TMEM178B: variants seen among roughly 807,000 people sequenced by gnomAD.
TMEM178B encodes the protein transmembrane protein 178B.
TMEM178B carries 5 observed loss-of-function variants against 31.0 expected under a neutral mutation model. The ratio of observed to expected loss-of-function variants is 0.16; its 90% CI spans 0.08 to 0.34. The LOEUF (loss-of-function observed/expected upper bound fraction) is 0.34. TMEM178B is among the 10% of genes least tolerant of loss of function. The pLI, the probability that TMEM178B is intolerant of heterozygous loss-of-function variation, is 1.00. For missense variants in TMEM178B, 275 were observed against 400.3 expected (o/e 0.69, Z 2.67); for synonymous variants, 164 against 164.0 (o/e 1.00, Z 0.00).
At chr7:141,107,836 AG>A (rs1335566133) in intron 1 of TMEM178B, among the ~76,000 whole-genome samples, 1 of 152,212 alleles carries the variant, frequency 6.6e-6, no homozygotes, top group East Asian at 1.9e-4. Context: ...GGACAAGAGA[AG>A]ATAAAAGGCC....
rs561759815 is a variant in TMEM178B, at chr7:141,159,305, G to A, written c.383-53286G>A. Among the ~76,000 whole-genome samples, 4 of 152,248 alleles carry A rather than the reference G, an allele frequency of 2.6e-5. No individual in the cohort carries two copies. In the South Asian group the frequency reaches 8.3e-4, roughly 32 times the overall value. ...GGTTTAAAAATCCAAATAAAATCAT[G>A]TTACTCACCTGCTCAAAACTGTCAA... On this transcript the variant is annotated intron_variant, in intron 1 of 3. Transcript: ENST00000565468.
chr7:141,241,322 T>TGGCTC (rs1797614893), intron 2 of TMEM178B, among the ~76,000 whole-genome samples: 2 of 152,046 alleles, frequency 1.3e-5, no homozygotes, highest in Non-Finnish European at 2.9e-5. Context: ...CCTGGCGCGG[T>TGGCTC]GGCTCACGCC....
At chr7:141,451,908 C>T (rs1347668269) in intron 3 of TMEM178B, among the ~76,000 whole-genome samples, 5 of 152,282 alleles carry the variant, frequency 3.3e-5, no homozygotes, top group South Asian at 4.1e-4. Flanking sequence ...TGTGCTTACT[C>T]CTGGCTGTTC....
chr7:141,157,631 C>T (rs1563102857), intron 1 of TMEM178B, among the ~76,000 whole-genome samples: 2 of 152,172 alleles, frequency 1.3e-5, no homozygotes, highest in Non-Finnish European at 2.9e-5. Flanking sequence ...GGCAGTCTTA[C>T]TCAAAAAAAC....
intron 2 of TMEM178B, among the ~76,000 whole-genome samples, chr7:141,353,802 A>G (rs1317100794): frequency 1.3e-5 from 2 of 152,226 alleles, no homozygotes; most frequent in Non-Finnish European, 1.5e-5. Flanking sequence ...ATATTAATGG[A>G]ATGAATTAAA....
intron 1 of TMEM178B, among the ~76,000 whole-genome samples, chr7:141,163,389 G>C (rs761479948): frequency 2.0e-5 from 3 of 152,258 alleles, no homozygotes; most frequent in Middle Eastern, 3.4e-3. Flanking sequence ...CAGGGGGCAG[G>C]GATAACGACT....
At chr7:141,426,595 C>T (rs1801320466) in intron 2 of TMEM178B, among the ~76,000 whole-genome samples, 1 of 152,108 alleles carries the variant, frequency 6.6e-6, no homozygotes, top group African/African-American at 2.4e-5. Flanking sequence ...AGGGGAATGG[C>T]AGCTTGTTGT....
rs1799582782 is a variant in TMEM178B at position 141,344,603 on chromosome 7, CCTTCCTTCCTT to C, written c.497-93003_497-92993del. Among the ~76,000 whole-genome samples, 2 of 149,572 alleles carry C rather than the reference CCTTCCTTCCTT, an allele frequency of 1.3e-5. No homozygotes were observed. The highest frequency in any genetic ancestry group is 4.4e-4 in the South Asian group (2 of 4,504). On this transcript the variant is annotated intron_variant, in intron 2 of 3. Coordinates refer to ENST00000565468, the MANE Select transcript of TMEM178B (RefSeq NM_001195278.2). This position sits in a 1 kb window ranked among gnomAD's most constrained non-coding sequence, Gnocchi z 4.1. ...TCCTTCCTTCCTTCCTTCCTTCCTT[CCTTCCTTCCTT>C]CCTTCCTTCCTTCCTCCCTTCCTTC...
At chr7:141,218,929 C>A (rs888835261) in intron 2 of TMEM178B, among the ~76,000 whole-genome samples, 6 of 152,234 alleles carry the variant, frequency 3.9e-5, no homozygotes, top group Admixed American at 2.6e-4. Context: ...TTTCTTCCCA[C>A]TCAGAACTCT....
intron 1 of TMEM178B, among the ~76,000 whole-genome samples, chr7:141,131,324 T>A (rs895512890): frequency 6.6e-6 from 1 of 152,220 alleles, no homozygotes; most frequent in Non-Finnish European, 1.5e-5. Flanking sequence ...CAGCTTAATT[T>A]TTTTTTAAAT....
intron 2 of TMEM178B, among the ~76,000 whole-genome samples, chr7:141,402,693 ATGT>A (rs1348870776): frequency 1.3e-5 from 2 of 152,224 alleles, no homozygotes; most frequent in Non-Finnish European, 2.9e-5. Context: ...GAAGAGATAG[ATGT>A]TGTAACTTTG....
chr7:141,383,144 TTTTC>T (rs150605116), intron 2 of TMEM178B, among the ~76,000 whole-genome samples: 51 of 145,364 alleles, frequency 3.5e-4, no homozygotes, highest in East Asian at 9.6e-4. Context: ...ATTGCTTTTA[TTTTC>T]TTTCTTTCTT....
intron 2 of TMEM178B, among the ~76,000 whole-genome samples, chr7:141,347,413 A>G (rs1358913188): frequency 6.6e-6 from 1 of 152,148 alleles, no homozygotes; most frequent in African/African-American, 2.4e-5. Context: ...CATTGGAGAC[A>G]GGCATACAGT....
intron 3 of TMEM178B, among the ~76,000 whole-genome samples, chr7:141,449,688 A>G (rs1003455726): frequency 6.6e-6 from 1 of 152,194 alleles, no homozygotes; most frequent in African/African-American, 2.4e-5. Context: ...GACTCGGAGA[A>G]CTGGCCCAGA....
intron 2 of TMEM178B, among the ~76,000 whole-genome samples, chr7:141,243,710 C>T (rs73167484): frequency 3.3e-4 from 50 of 152,260 alleles, no homozygotes; most frequent in Non-Finnish European, 5.4e-4. Flanking sequence ...AGAACATTCT[C>T]GTTCTCATTG....
chr7:141,125,953 G>A (rs1795488804), intron 1 of TMEM178B, among the ~76,000 whole-genome samples: 1 of 152,186 alleles, frequency 6.6e-6, no homozygotes, highest in South Asian at 2.1e-4. Flanking sequence ...TCTTTTGTCA[G>A]TTGGTAGACT....
chr7:141,197,291 T>A (rs540267527), intron 1 of TMEM178B, among the ~76,000 whole-genome samples: 17 of 152,228 alleles, frequency 1.1e-4, no homozygotes, highest in Non-Finnish European at 2.2e-4. Flanking sequence ...CTTCATTAAT[T>A]TGGCCAAGAT....
chr7:141,136,575 G>A (rs1289942276), intron 1 of TMEM178B, among the ~76,000 whole-genome samples: 1 of 152,186 alleles, frequency 6.6e-6, no homozygotes, highest in East Asian at 1.9e-4. Flanking sequence ...AAACAACACT[G>A]TGAAGAGACA....
chr7:141,157,032 G>A (rs1338514900), intron 1 of TMEM178B, among the ~76,000 whole-genome samples: 2 of 152,158 alleles, frequency 1.3e-5, no homozygotes, highest in Admixed American at 1.3e-4. Flanking sequence ...TCAGTTTTCT[G>A]GGGCCAGCAG....
Sources: gnomAD v4.1 joint callset for allele counts (sites outside exome capture counted in the v4.1 genomes callset) on GRCh38, gnomAD v4.1.1 for gene constraint, Gnocchi (gnomAD v3.1) non-coding constraint, MANE v1.5 for transcripts, NCBI Gene and HGNC (gene_info 2026-07-23, HGNC 2026-07-21) for gene names.